The following RIMKLB variants were observed in gnomAD, a reference collection of about 807,000 sequenced individuals.
RIMKLB encodes beta-citrylglutamate synthase B.
RIMKLB carries 7 observed loss-of-function variants against 32.0 expected under a neutral mutation model. The observed-to-expected ratio is 0.22, with a 90% CI of 0.12 to 0.41. The LOEUF is 0.41. RIMKLB is among the 10% of genes least tolerant of loss of function. The pLI is 1.00. For missense variants in RIMKLB, 289 were observed against 498.7 expected (o/e 0.58, Z 4.00); for synonymous variants, 172 against 185.1 (o/e 0.93, Z 0.57).
chr12:8,670,429 G>A, the RIMKLB span, among the ~76,000 whole-genome samples: 1 of 152,184 alleles, frequency 6.6e-6, no homozygotes, highest in African/African-American at 2.4e-5. Flanking sequence ...AGGGGTTACA[G>A]GGCCCATGCA....
chr12:8,727,958 A>G lies in RIMKLB; in HGVS notation c.175+13917A>G, dbSNP rs146447877. Among the ~76,000 whole-genome samples the G allele has an allele frequency of 5.2e-3, 796 of 152,168 alleles. 11 individuals carry two copies. Among genetic ancestry groups the G allele is most frequent in the African/African-American group, 0.018 (743 of 41,524 alleles). ...CATGATGAAATATATTTGTCTATCT[A>G]TACATGCATACATTCGTGGAATGCA... On this transcript the variant is annotated intron_variant, in intron 2 of 5. Coordinates refer to ENST00000535829, the MANE Select transcript of RIMKLB (RefSeq NM_001297776.2).
chr12:8,744,692 G>T (rs536756860), intron 2 of RIMKLB, among the ~76,000 whole-genome samples: 1 of 151,068 alleles, frequency 6.6e-6, no homozygotes, highest in African/African-American at 2.5e-5. Context: ...ATGGAGTCTC[G>T]CTCTGTTGCT....
At chr12:8,768,195 C>T (rs1306293558) in intron 5 of RIMKLB, among the ~76,000 whole-genome samples, 2 of 152,200 alleles carry the variant, frequency 1.3e-5, no homozygotes, top group East Asian at 3.8e-4. Flanking sequence ...AACCCAGGCA[C>T]TTAGTTGTGC....
intron 2 of RIMKLB, among the ~76,000 whole-genome samples, chr12:8,719,357 G>T (rs12321251): frequency 0.034 from 5,100 of 152,018 alleles, 296 homozygotes; most frequent in African/African-American, 0.12. Flanking sequence ...ATTAAGCTGG[G>T]TTTTTTTGTT....
intron 2 of RIMKLB, among the ~76,000 whole-genome samples, chr12:8,732,410 G>T (rs112298031): frequency 0.033 from 5,021 of 152,170 alleles, 277 homozygotes; most frequent in African/African-American, 0.11. Context: ...TGAAGTCACA[G>T]TCACGCTTTC....
At chr12:8,716,584 A>T (rs1591708020) in intron 2 of RIMKLB, among the ~76,000 whole-genome samples, 1 of 139,226 alleles carries the variant, frequency 7.2e-6, no homozygotes, top group Admixed American at 7.2e-5. Flanking sequence ...TTAGACTAAG[A>T]GTGAAGTTTT....
chr12:8,673,011 A>G, the RIMKLB span, among the ~76,000 whole-genome samples: 1 of 152,124 alleles, frequency 6.6e-6, no homozygotes, highest in South Asian at 2.1e-4. Context: ...CCTCCTGAGT[A>G]GCTGGAATTA....
chr12:8,718,667 ATATGTGTGTGTGTG>A (rs1212672111), intron 2 of RIMKLB, among the ~76,000 whole-genome samples: 108 of 132,732 alleles, frequency 8.1e-4, no homozygotes, highest in African/African-American at 2.7e-3. Flanking sequence ...ATATATATAT[ATATGTGTGTGTGTG>A]TGTGTGTGTG....
At chr12:8,778,478 G>GT (rs1472929890), downstream of RIMKLB, among the ~76,000 whole-genome samples, 2 of 152,108 alleles carry the variant, frequency 1.3e-5, no homozygotes, top group Non-Finnish European at 2.9e-5. Context: ...GAAAATCATG[G>GT]TTTAAACCTT....
intron 2 of RIMKLB, among the ~76,000 whole-genome samples, chr12:8,735,085 C>T (rs1946872523): frequency 6.6e-6 from 1 of 152,062 alleles, no homozygotes; most frequent in Non-Finnish European, 1.5e-5. Flanking sequence ...GAAAAACTGT[C>T]CTTATATGGG....
At chr12:8,682,633 G>A (rs1168091388) in intron 1 of RIMKLB, among the ~76,000 whole-genome samples, 3 of 151,806 alleles carry the variant, frequency 2.0e-5, no homozygotes, top group Admixed American at 6.6e-5. Flanking sequence ...TTAGCCGGGC[G>A]TGGTGGCGGG....
At chr12:8,773,130 TC>T (rs1339686910) in intron 5 of RIMKLB, among the ~76,000 whole-genome samples, 190 bp from the exon 6 acceptor site, 1 of 152,222 alleles carries the variant, frequency 6.6e-6, no homozygotes, top group Non-Finnish European at 1.5e-5. Flanking sequence ...AATCATCAAT[TC>T]CTGGGAGACT....
At chr12:8,745,441 C>T (rs1947990854) in intron 2 of RIMKLB, among the ~76,000 whole-genome samples, 1 of 151,684 alleles carries the variant, frequency 6.6e-6, no homozygotes, top group Non-Finnish European at 1.5e-5. Flanking sequence ...GTTGCCCAGG[C>T]TGGAATGCAA....
intron 2 of RIMKLB, among the ~76,000 whole-genome samples, chr12:8,733,135 G>GGC: frequency 6.6e-6 from 1 of 152,140 alleles, no homozygotes; most frequent in East Asian, 1.9e-4. Context: ...GAAACAACTG[G>GGC]GCAGGAGGTT....
intron 5 of RIMKLB, among the ~76,000 whole-genome samples, chr12:8,762,897 C>G (rs749720213): frequency 1.3e-5 from 2 of 152,170 alleles, no homozygotes; most frequent in East Asian, 3.9e-4. Context: ...CCTTAAGCGG[C>G]GTAGGTGTGA....
downstream of RIMKLB, among the ~76,000 whole-genome samples, chr12:8,778,587 A>G (rs1481550199): frequency 6.6e-6 from 1 of 152,106 alleles, no homozygotes; most frequent in African/African-American, 2.4e-5. Flanking sequence ...TAGGACTACA[A>G]CTCGTCCATT....
intron 1 of RIMKLB, among the ~76,000 whole-genome samples, chr12:8,688,226 T>G (rs1942634912): frequency 6.6e-6 from 1 of 152,232 alleles, no homozygotes; most frequent in African/African-American, 2.4e-5. Context: ...GCCAGAGTGC[T>G]TGTTTGTGGT....
At position 8,699,321 on chromosome 12, in the gene RIMKLB, A is replaced by G. The variant is rs138747972; in HGVS notation, c.-57+1024A>G. ...TTATGGGTGTTCTTAATTATTAACT[A>G]TAACCATTTAAATTGAAATGTTTTT... On this transcript the variant is annotated intron_variant, in intron 1 of 5. Transcript: ENST00000535829. 2.0e-3 allele frequency among the ~76,000 whole-genome samples: 309 copies of G among 152,294 alleles called. 1 individual carries two copies. Among genetic ancestry groups the G allele is most frequent in the African/African-American group, 7.1e-3 (295 of 41,562 alleles).
intron 5 of RIMKLB, among the ~76,000 whole-genome samples, chr12:8,767,396 C>T (rs773367454): frequency 6.6e-6 from 1 of 151,130 alleles, no homozygotes; most frequent in Non-Finnish European, 1.5e-5. Context: ...AGCCTAGGGG[C>T]CTAAGGACGC....
Sources: allele counts gnomAD v4.1 joint callset (sites outside exome capture counted in the v4.1 genomes callset), GRCh38; gene constraint gnomAD v4.1.1; transcripts MANE v1.5; gene names NCBI Gene and HGNC (gene_info 2026-07-23, HGNC 2026-07-21).